The following TAF1B variants were observed in gnomAD, a reference collection of about 807,000 sequenced individuals.
TAF1B encodes the protein TATA-box binding protein associated factor, RNA polymerase I subunit B.
A neutral mutation model predicts 83.9 loss-of-function variants in TAF1B; 61 were observed. The ratio of observed to expected loss-of-function variants is 0.73; its 90% CI spans 0.59 to 0.90. TAF1B has a LOEUF of 0.90. Among genes scored for constraint, TAF1B ranks in the 40% least tolerant of loss-of-function variants. The pLI is 0.00. For synonymous variants in TAF1B, 221 were observed against 224.6 expected (o/e 0.98, Z 0.14); for missense variants, 625 against 677.0 (o/e 0.92, Z 0.85).
At position 9,887,589 on chromosome 2, in the gene TAF1B, A is replaced by G. The variant is rs116109291; in HGVS notation, c.807+4784A>G. ...TGTTTGCACAGCATATCTTTTTCCAATCTTTTATTTTTGACCTATCTGTGT... is the reference window on the plus strand; with the variant it reads ...TGTTTGCACAGCATATCTTTTTCCAGTCTTTTATTTTTGACCTATCTGTGT... On this transcript the variant is annotated intron_variant, in intron 8 of 14. Transcript: ENST00000263663. Among the ~76,000 whole-genome samples the G allele has an allele frequency of 4.0e-3, 601 of 151,902 alleles. 3 individuals carry two copies. The highest frequency in any genetic ancestry group is 0.013 in the African/African-American group (555 of 41,398).
intron 8 of TAF1B, among the ~76,000 whole-genome samples, chr2:9,888,806 T>TTTTTG (rs1379352473): frequency 6.9e-6 from 1 of 144,808 alleles, no homozygotes; most frequent in African/African-American, 2.6e-5. Context: ...TTTTTTTTTT[T>TTTTTG]TTTTTTTTTT....
intron 8 of TAF1B, among the ~76,000 whole-genome samples, chr2:9,890,927 A>C (rs4669482): frequency 0.94 from 142,640 of 151,870 alleles, 67,619 homozygotes; most frequent in East Asian, 1. Context: ...TGCGCCACCA[A>C]TCCTGGCTAC....
At chr2:9,921,734 T>C (rs1277370762) in intron 14 of TAF1B, among the ~76,000 whole-genome samples, 3 of 152,258 alleles carry the variant, frequency 2.0e-5, no homozygotes, top group Non-Finnish European at 2.9e-5. Context: ...CATAAAATTC[T>C]TTCAACTTTG....
intron 1 of TAF1B, chr2:9,843,785 A>C: frequency 2.0e-6 from 1 of 492,138 alleles, no homozygotes; most frequent in East Asian, 3.7e-5. Flanking sequence ...GTTGTGGGGG[A>C]GGGAGGGTGT....
intron 14 of TAF1B, among the ~76,000 whole-genome samples, chr2:9,931,958 G>A (rs556052842): frequency 4.7e-4 from 72 of 152,060 alleles, no homozygotes; most frequent in African/African-American, 1.6e-3. Context: ...TGATCGAATC[G>A]GCTATTGAAG....
chr2:9,899,238 C>T (rs1178085455), intron 8 of TAF1B, among the ~76,000 whole-genome samples: 1 of 152,172 alleles, frequency 6.6e-6, no homozygotes, highest in African/African-American at 2.4e-5. Flanking sequence ...TTAGGTATCT[C>T]ATACGTGTGG....
chr2:9,852,860 A>G (rs1216355293), intron 4 of TAF1B, among the ~76,000 whole-genome samples: 1 of 152,220 alleles, frequency 6.6e-6, no homozygotes, highest in Non-Finnish European at 1.5e-5. Context: ...CACCAAGGAA[A>G]GATTTGTAGA....
intron 8 of TAF1B, among the ~76,000 whole-genome samples, chr2:9,898,949 T>TC (rs984926057): frequency 6.7e-6 from 1 of 148,188 alleles, no homozygotes; most frequent in African/African-American, 2.4e-5. Flanking sequence ...TTTTTTTTTT[T>TC]CTCCTGCCAC....
At chr2:9,896,791 T>C (rs1380576496) in intron 8 of TAF1B, among the ~76,000 whole-genome samples, 1 of 152,060 alleles carries the variant, frequency 6.6e-6, no homozygotes, top group Non-Finnish European at 1.5e-5. Flanking sequence ...ACAGAGAGTG[T>C]TGATGTGGTT....
chr2:9,918,262 C>G (rs1037090687), intron 12 of TAF1B, among the ~76,000 whole-genome samples: 1 of 152,200 alleles, frequency 6.6e-6, no homozygotes, highest in Non-Finnish European at 1.5e-5. Context: ...AAGAATGAAC[C>G]TTGTTGTCTT....
chr2:9,916,241 CAT>C (rs1426942861), intron 12 of TAF1B, among the ~76,000 whole-genome samples: 9 of 152,260 alleles, frequency 5.9e-5, no homozygotes, highest in Admixed American at 2.0e-4. Flanking sequence ...AATGAGGAAA[CAT>C]ATGCAGACAG....
In TAF1B at chr2:9,916,311, C is replaced by T. The variant is rs77345665; in HGVS notation, c.1272-2730C>T. On this transcript the variant is annotated intron_variant, in intron 12 of 14. Transcript: ENST00000263663. ...GGAAAACATGGTTTGTGATGTGTCT[C>T]CTTTTGTAGTTTTATGTAATGAGAA... Among the ~76,000 whole-genome samples, 1,020 of 152,280 alleles carry T rather than the reference C, an allele frequency of 6.7e-3. 17 individuals carry two copies. The highest frequency in any genetic ancestry group is 0.023 in the African/African-American group (936 of 41,554).
intron 14 of TAF1B, among the ~76,000 whole-genome samples, chr2:9,921,571 A>C (rs1437214805): frequency 6.6e-6 from 1 of 152,270 alleles, no homozygotes; most frequent in Non-Finnish European, 1.5e-5. Context: ...AAGGTAACTC[A>C]GGAAGTTTGT....
At chr2:9,919,870 A>C (rs775625009) in intron 14 of TAF1B, 50 bp downstream of exon 14, 9 of 1,527,518 alleles carry the variant, frequency 5.9e-6, no homozygotes, top group Admixed American at 3.8e-5. Context: ...AGTTGACTGT[A>C]TAAGAGCCAG....
At position 9,875,977 on chromosome 2, in the gene TAF1B, A is replaced by C. The variant is rs759169652; in HGVS notation, c.666A>C (p.Leu222Phe). 10 of 1,612,842 alleles carry C rather than the reference A, an allele frequency of 6.2e-6. No homozygotes were observed. In the South Asian group the frequency reaches 1.1e-4, roughly 18 times the overall value. ...PQTLAFCYLS[L>F]LWQREAITLS... The stretch of plus-strand genomic sequence containing the variant: ...CACTTGCCTTCTGTTATCTGTCCTT[A>C]CTTTGGCAGAGAGAAGCAATAACAC... The change falls in exon 7 of 15, where the codon TTA (leucine) becomes TTC (phenylalanine). Residue 222 changes from leucine (L) to phenylalanine (F), a missense_variant. By Grantham distance (22) the Leu-to-Phe change is conservative. Transcript: ENST00000263663.
At chr2:9,931,016 C>T (rs1666194120) in intron 14 of TAF1B, among the ~76,000 whole-genome samples, 1 of 152,078 alleles carries the variant, frequency 6.6e-6, no homozygotes, top group South Asian at 2.1e-4. Flanking sequence ...TTTCTATTTG[C>T]TTGGTAGATC....
chr2:9,845,484 A>C, intron 2 of TAF1B, 166 bp downstream of exon 2: 1 of 520,440 alleles, frequency 1.9e-6, no homozygotes, highest in Admixed American at 3.2e-5. Context: ...AGGTTAAGGG[A>C]TTTGTGAATT....
intron 4 of TAF1B, 189 bp downstream of exon 4, chr2:9,851,827 A>G: frequency 1.5e-6 from 1 of 649,480 alleles, no homozygotes. Flanking sequence ...GGATGTAAAT[A>G]AGCAATACAT....
Position 9,843,517 on chromosome 2 carries a change from C to G in TAF1B, c.-25C>G, listed in dbSNP as rs1159135758. On this transcript the variant is annotated 5_prime_UTR_variant, in exon 1 of 15. Coordinates refer to ENST00000263663, the MANE Select transcript of TAF1B (RefSeq NM_005680.3). ...TCGCTACCCGGGTAACGGGTCCCGG[C>G]TGTGGAAGCTCCCGCGGCGCCGCGA... is the stretch of plus-strand genomic sequence containing the variant. The G allele has an allele frequency of 5.9e-6, 9 of 1,524,124 alleles. No homozygotes were observed. The highest frequency in any genetic ancestry group is 7.9e-6 in the Non-Finnish European group (9 of 1,132,796). The allele number at this position is 1,524,124 out of a possible 1,614,324, so 94.4% of individuals were successfully genotyped here.
Sources: gnomAD v4.1 joint callset for allele counts (sites outside exome capture counted in the v4.1 genomes callset) on GRCh38, gnomAD v4.1.1 for gene constraint, MANE v1.5 for transcripts, NCBI Gene and HGNC (gene_info 2026-07-23, HGNC 2026-07-21) for gene names.